Variants in ZNF28 observed in about 807,000 individuals in gnomAD.
The protein encoded by ZNF28 is zinc finger protein KOX24.
A neutral mutation model predicts 7.2 loss-of-function variants in ZNF28; 5 were observed. The observed-to-expected ratio is 0.70, with a 90% CI of 0.36 to 1.46. The LOEUF (loss-of-function observed/expected upper bound fraction) is 1.46, where lower values mean the gene tolerates loss of function less well. Among genes scored for constraint, ZNF28 ranks in the 40% most tolerant of loss-of-function variants. The probability of loss-of-function intolerance (pLI) is 0.03; values close to 1 mark genes in which losing one functional copy is unlikely to be tolerated. For missense variants in ZNF28, 879 were observed against 866.6 expected, an observed-to-expected ratio of 1.01 and a Z score of -0.18; for synonymous variants, 288 against 292.4, an observed-to-expected ratio of 0.99 and a Z score of 0.15.
At chr19:52,818,636 G>A (rs2063156842) in intron 1 of ZNF28, among the ~76,000 whole-genome samples, 1 of 152,146 alleles carries the variant, frequency 6.6e-6, no homozygotes, top group Admixed American at 6.6e-5. Flanking sequence ...GAACCTGGAA[G>A]GTGGAGGTTG....
chr19:52,806,255 G>A (rs2062935856), intron 3 of ZNF28, among the ~76,000 whole-genome samples: 1 of 151,946 alleles, frequency 6.6e-6, no homozygotes, highest in Non-Finnish European at 1.5e-5. Context: ...GTGCAACGGT[G>A]CGATCTCGGC....
At position 52,801,444 on chromosome 19, in the gene ZNF28, T is replaced by C; in HGVS notation, c.401A>G (p.Lys134Arg). 1 of 1,614,232 alleles carries C rather than the reference T, an allele frequency of 6.2e-7. No homozygotes were observed. Among genetic ancestry groups the C allele is most frequent in the Non-Finnish European group, 8.5e-7 (1 of 1,180,034 alleles). ...TAATCCAAGCTGATCTTTAATATGC[T>C]TGTTTCCAGCATGCCTTTGATCATG... Reference protein sequence around the residue: ...GQHDQRHAGNKHIKDQLGLSF... With the variant: ...GQHDQRHAGNRHIKDQLGLSF... The change falls in exon 4 of 4, where the codon AAG becomes AGG. Residue 134 changes from lysine (K) to arginine (R), a missense_variant. This residue lies in a region of ZNF28 where 864 missense variants were observed against 830.2 expected (regional missense o/e 1.04). Coordinates refer to ENST00000457749, the MANE Select transcript of ZNF28 (RefSeq NM_006969.5).
intron 3 of ZNF28, among the ~76,000 whole-genome samples, chr19:52,806,723 G>A (rs1042078407): frequency 6.6e-6 from 1 of 151,840 alleles, no homozygotes; most frequent in African/African-American, 2.4e-5. Context: ...CCAACATGGT[G>A]AAACACTGTC....
chr19:52,804,430 G>C (rs1409510544), intron 3 of ZNF28, among the ~76,000 whole-genome samples: 2 of 152,108 alleles, frequency 1.3e-5, no homozygotes, highest in South Asian at 2.1e-4. Flanking sequence ...GAGTAGAGTA[G>C]CGTGATCTTG....
At chr19:52,811,266 C>T (rs1355101587) in intron 2 of ZNF28, among the ~76,000 whole-genome samples, 3 of 151,706 alleles carry the variant, frequency 2.0e-5, no homozygotes, top group African/African-American at 7.3e-5. Flanking sequence ...CAGCCGCCTG[C>T]CTTGGCCTCC....
At position 52,810,770 on chromosome 19, in the gene ZNF28, A is replaced by C. The variant is rs757145599; in HGVS notation, c.16-2637T>G. The C allele has an allele frequency of 6.6e-3, 3,679 of 557,708 alleles. 160 individuals are homozygous for C. Among genetic ancestry groups the C allele is most frequent in the African/African-American group, 0.037 (1,590 of 42,446 alleles). The allele number at this position is 557,708 out of a possible 1,614,324, so 34.5% of individuals were successfully genotyped here. On this transcript the variant is annotated intron_variant, in intron 2 of 3. Coordinates refer to ENST00000457749, the MANE Select transcript of ZNF28 (RefSeq NM_006969.5). ...GAAAGAAGGGGAAAAAAAAAGAATA[A>C]AAAAAAACCCAAAAAAAACAGAAGA...
intron 1 of ZNF28, 54 bp from the exon 2 acceptor site, chr19:52,818,085 G>A: frequency 1.4e-6 from 2 of 1,479,648 alleles, no homozygotes; most frequent in African/African-American, 1.4e-5. Flanking sequence ...TCCCCTCCCT[G>A]TAACACAACA....
chr19:52,810,751 A>AG lies in ZNF28; in HGVS notation c.16-2619dup, dbSNP rs1158719119. The AG allele has an allele frequency of 1.4e-4, 87 of 625,144 alleles. 1 individual carries two copies. Among genetic ancestry groups the AG allele is most frequent in the African/African-American group, 5.2e-4 (21 of 40,312 alleles). The allele number at this position is 625,144 out of a possible 1,614,324, so 38.7% of individuals were successfully genotyped here. Reference sequence around the variant, plus strand: ...AGAGAGAGGAAAAAAAGAGGAAAGAAGGGGAAAAAAAAAGAATAAAAAAAA... The same window carrying AG: ...AGAGAGAGGAAAAAAAGAGGAAAGAAGGGGGAAAAAAAAAGAATAAAAAAAA... On this transcript the variant is annotated intron_variant, in intron 2 of 3. Coordinates refer to ENST00000457749, the MANE Select transcript of ZNF28 (RefSeq NM_006969.5).
chr19:52,810,745 G>T, intron 2 of ZNF28: 1 of 591,918 alleles, frequency 1.7e-6, no homozygotes. Context: ...AAAAAAAGAG[G>T]AAAGAAGGGG....
chr19:52,800,914 T>G lies in ZNF28; in HGVS notation c.931A>C (p.Lys311Gln). 1 of 1,614,142 alleles carries G rather than the reference T, an allele frequency of 6.2e-7. No homozygotes were observed. The highest frequency in any genetic ancestry group is 8.5e-7 in the Non-Finnish European group (1 of 1,179,992). ...CEECDKVFSRKSHLETHKIIY... is the reference protein window; with the variant it reads ...CEECDKVFSRQSHLETHKIIY... ...ATCTTATGTGTTTCAAGGTGTGATT[T>G]GCGACTGAAAACTTTGTCACATTCT... is the stretch of plus-strand genomic sequence containing the variant. The change falls in exon 4 of 4, where the codon AAA becomes CAA. Residue 311 changes from lysine to glutamine, a missense_variant. Around this residue, in one of 2 missense-constraint regions of ZNF28, gnomAD observed 864 missense variants for 830.2 expected, o/e 1.04. Transcript: ENST00000457749.
chr19:52,817,875 T>C (rs1343430117), intron 2 of ZNF28, 69 bp downstream of exon 2: 10 of 1,605,000 alleles, frequency 6.2e-6, no homozygotes, highest in South Asian at 1.1e-5. Context: ...CAGAGAAGAC[T>C]CCCAACTCCA....
At chr19:52,820,763 C>T (rs2063187264) in intron 1 of ZNF28, among the ~76,000 whole-genome samples, 1 of 152,190 alleles carries the variant, frequency 6.6e-6, no homozygotes, top group Non-Finnish European at 1.5e-5. Context: ...TCTCCAGTTG[C>T]TTTTCTCCTC....
Position 52,800,392 on chromosome 19 carries a change from G to C in ZNF28, c.1453C>G (p.His485Asp). Residue 485 changes from histidine to aspartate, a missense_variant, in exon 4 of 4, where the codon CAT becomes GAT. Physicochemically the swap from His to Asp is moderately conservative, Grantham distance 81 (BLOSUM62 -1). Around this residue, in one of 2 missense-constraint regions of ZNF28, gnomAD observed 864 missense variants for 830.2 expected, o/e 1.04. Transcript: ENST00000457749. Reference sequence around the variant, plus strand: ...TTCTCTCCAGTATGAATCCTCCTATGTCTTTCAAGGTGTGATTTGCACCTG... The same window carrying C: ...TTCTCTCCAGTATGAATCCTCCTATCTCTTTCAAGGTGTGATTTGCACCTG... ...VFRCKSHLER[H>D]RRIHTGEKPY... 2.5e-6 allele frequency: 4 copies of C among 1,613,972 alleles called. No individual in the cohort carries two copies. The highest frequency in any genetic ancestry group is 3.4e-6 in the Non-Finnish European group (4 of 1,179,990).
intron 3 of ZNF28, chr19:52,806,068 A>C (rs2062933343): frequency 6.6e-6 from 1 of 152,238 alleles, no homozygotes; most frequent in South Asian, 2.1e-4. Flanking sequence ...TTTCATATTT[A>C]AAATAAAAGG....
At chr19:52,816,707 C>G (rs2063128659) in intron 2 of ZNF28, among the ~76,000 whole-genome samples, 1 of 151,196 alleles carries the variant, frequency 6.6e-6, no homozygotes, top group South Asian at 2.1e-4. Flanking sequence ...TGGCGCGCAC[C>G]TATAATCCCA....
chr19:52,802,324 C>T (rs1231044350), intron 3 of ZNF28, among the ~76,000 whole-genome samples: 2 of 152,056 alleles, frequency 1.3e-5, no homozygotes, highest in African/African-American at 2.4e-5. Context: ...GCCAATATTA[C>T]ACCACTGCAC....
chr19:52,807,713 G>A (rs528685769), intron 3 of ZNF28, among the ~76,000 whole-genome samples: 3 of 152,288 alleles, frequency 2.0e-5, no homozygotes, highest in African/African-American at 4.8e-5. Context: ...CACCCATAGC[G>A]ATCCACACGC....
rs907348538 is a variant in ZNF28, at chr19:52,809,950, G to A, written c.16-1817C>T. ...GAGGCCGGGGAGGTTGCCCCGGGGG[G>A]CGCAGGGGACGATGGGAACGGCCTG... On this transcript the variant is annotated intron_variant, in intron 2 of 3. Coordinates refer to ENST00000457749, the MANE Select transcript of ZNF28 (RefSeq NM_006969.5). 9.6e-6 allele frequency: 8 copies of A among 833,336 alleles called. No individual in the cohort carries two copies. The Admixed American group carries it at 1.0e-4, about 10-fold the overall frequency. 51.6% of individuals were successfully genotyped at this position (833,336 alleles called of 1,614,324 possible). A position where few individuals can be genotyped will look rare whatever the true frequency, so the allele number is the denominator to read the frequency against.
chr19:52,805,988 C>G (rs977617617), intron 3 of ZNF28: 1 of 151,768 alleles, frequency 6.6e-6, no homozygotes, highest in African/African-American at 2.4e-5. Flanking sequence ...CTCATAAATA[C>G]ATAAAGTAAT....
Sources: allele counts gnomAD v4.1 joint callset (sites outside exome capture counted in the v4.1 genomes callset), GRCh38; gene constraint gnomAD v4.1.1; regional missense constraint gnomAD v4.1.1; transcripts MANE v1.5; gene names NCBI Gene and HGNC (gene_info 2026-07-23, HGNC 2026-07-21).